ZSWIM6: variants seen among roughly 807,000 people sequenced by gnomAD.
ZSWIM6 encodes the protein zinc finger SWIM-type containing 6, also known as zinc finger SWIM domain-containing protein 6.
Under a neutral mutation model 113.2 loss-of-function variants are expected in ZSWIM6, and 9 were observed. That is an observed-to-expected ratio of 0.08 (90% CI 0.05 to 0.14). The LOEUF (loss-of-function observed/expected upper bound fraction) is 0.14. ZSWIM6 is among the 10% of genes least tolerant of loss of function. The probability of loss-of-function intolerance (pLI) is 1.00; values close to 1 mark genes in which losing one functional copy is unlikely to be tolerated. For missense variants in ZSWIM6, 1,162 were observed against 1,552.2 expected, an observed-to-expected ratio of 0.75 and a Z score of 4.22; for synonymous variants, 611 against 606.5, an observed-to-expected ratio of 1.01 and a Z score of -0.11.
rs1328511939 is a variant in ZSWIM6 at position 61,545,519 on chromosome 5, CT to C, written c.*1205del. On this transcript the variant is annotated 3_prime_UTR_variant, in exon 14 of 14. Coordinates refer to ENST00000252744, the MANE Select transcript of ZSWIM6 (RefSeq NM_020928.2). ...CAATTGACATAATGATACATTACGC[CT>C]TTGCAGTGAGCTAATAATAAGCTAA... The C allele has an allele frequency of 2.0e-5, 3 of 152,162 alleles. No homozygotes were observed. Among genetic ancestry groups the C allele is most frequent in the South Asian group, 2.1e-4 (1 of 4,822 alleles). 9.4% of individuals were successfully genotyped at this position (152,162 alleles called of 1,614,324 possible).
At chr5:61,453,362 CG>C (rs1747124789) in intron 1 of ZSWIM6, among the ~76,000 whole-genome samples, 1 of 148,626 alleles carries the variant, frequency 6.7e-6, no homozygotes, top group Non-Finnish European at 1.5e-5. Context: ...GAACACTTTA[CG>C]TCCACTCTCT....
Position 61,332,582 on chromosome 5 carries a change from C to T in ZSWIM6, c.310C>T (p.Pro104Ser). ...VEERFERIPE[P>S]VQRRIVYWSF... ...GGAGCGCTTTGAGCGCATCCCGGAGCCGGTGCAGCGCCGCATAGTCTATTG... is the reference window on the plus strand; with the variant it reads ...GGAGCGCTTTGAGCGCATCCCGGAGTCGGTGCAGCGCCGCATAGTCTATTG... Residue 104 changes from proline to serine, a missense_variant, in exon 1 of 14, where the codon CCG becomes TCG. Pro to Ser is a moderately conservative substitution (Grantham distance 74). Around this residue, in one of 4 missense-constraint regions of ZSWIM6, gnomAD observed 333 missense variants for 293.4 expected, o/e 1.13. Coordinates refer to ENST00000252744, the MANE Select transcript of ZSWIM6 (RefSeq NM_020928.2). The T allele has an allele frequency of 7.4e-7, 1 of 1,358,972 alleles. No homozygotes were observed. The highest frequency in any genetic ancestry group is 1.3e-5 in the South Asian group (1 of 78,090). 84.2% of individuals were successfully genotyped at this position (1,358,972 alleles called of 1,614,324 possible).
chr5:61,355,591 T>C (rs1744889566), intron 1 of ZSWIM6, among the ~76,000 whole-genome samples: 1 of 152,076 alleles, frequency 6.6e-6, no homozygotes, highest in Non-Finnish European at 1.5e-5. Context: ...AAAAATATAA[T>C]TTACAAGTAA....
In ZSWIM6 at chr5:61,411,957, A is replaced by G. The variant is rs567115266; in HGVS notation, c.677-60724A>G. Among the ~76,000 whole-genome samples, 3 of 152,352 alleles carry G rather than the reference A, an allele frequency of 2.0e-5. No individual in the cohort carries two copies. In the East Asian group the frequency reaches 5.8e-4, roughly 29 times the overall value. ...TCATATATTGAGATTTTAGGAAATT[A>G]ATCAAAGACATTATAGCTGCTAATA... is the stretch of plus-strand genomic sequence containing the variant. On this transcript the variant is annotated intron_variant, in intron 1 of 13. Coordinates refer to ENST00000252744, the MANE Select transcript of ZSWIM6 (RefSeq NM_020928.2).
chr5:61,391,221 G>A (rs528761032), intron 1 of ZSWIM6: 57 of 894,310 alleles, frequency 6.4e-5, no homozygotes, highest in Non-Finnish European at 1.0e-4. Context: ...TGATGACGTC[G>A]ATCATCTTGT....
intron 1 of ZSWIM6, among the ~76,000 whole-genome samples, chr5:61,378,178 T>A (rs991867211): frequency 2.0e-5 from 3 of 152,146 alleles, no homozygotes; most frequent in Admixed American, 6.5e-5. Context: ...CAAACTGAAA[T>A]GAAGAATGGC....
At chr5:61,385,100 TGA>T (rs1745567315) in intron 1 of ZSWIM6, among the ~76,000 whole-genome samples, 1 of 152,190 alleles carries the variant, frequency 6.6e-6, no homozygotes, top group Non-Finnish European at 1.5e-5. Context: ...TCCTGGGGTT[TGA>T]CTAAGTGGTC....
At chr5:61,350,672 G>C (rs988977820) in intron 1 of ZSWIM6, among the ~76,000 whole-genome samples, 25 of 152,160 alleles carry the variant, frequency 1.6e-4, no homozygotes, top group Non-Finnish European at 2.2e-4. Flanking sequence ...TTGCACTTAA[G>C]TAACGTATCA....
intron 1 of ZSWIM6, among the ~76,000 whole-genome samples, chr5:61,423,366 C>T (rs909760750): frequency 6.6e-6 from 1 of 150,678 alleles, no homozygotes; most frequent in South Asian, 2.1e-4. Flanking sequence ...TGAGATCGTG[C>T]TATTGCATTC....
chr5:61,333,755 C>T (rs1420219335), intron 1 of ZSWIM6, among the ~76,000 whole-genome samples: 1 of 152,044 alleles, frequency 6.6e-6, no homozygotes, highest in Non-Finnish European at 1.5e-5. Flanking sequence ...CTTCCCTTTT[C>T]TCTGAAGCTG....
At chr5:61,417,845 A>G (rs1293746639) in intron 1 of ZSWIM6, among the ~76,000 whole-genome samples, 3 of 152,232 alleles carry the variant, frequency 2.0e-5, no homozygotes, top group Non-Finnish European at 4.4e-5. Context: ...GTTTTGCTTC[A>G]TAAGCAAACT....
rs112741647 is a variant in ZSWIM6 at position 61,335,828 on chromosome 5, C to A, written c.676+2880C>A. Reference sequence around the variant, plus strand: ...ATTGGTAGTTACTGTTTCTCAACTTCTATATTTTAAAAAGAAATTTAAGGG... The same window carrying A: ...ATTGGTAGTTACTGTTTCTCAACTTATATATTTTAAAAAGAAATTTAAGGG... On this transcript the variant is annotated intron_variant, in intron 1 of 13. Coordinates refer to ENST00000252744, the MANE Select transcript of ZSWIM6 (RefSeq NM_020928.2). Among the ~76,000 whole-genome samples, 8 of 151,840 alleles carry A rather than the reference C, an allele frequency of 5.3e-5. 2 individuals carry two copies. The highest frequency in any genetic ancestry group is 1.9e-4 in the African/African-American group (8 of 41,356).
chr5:61,355,478 ACACACACACACACACACACT>A (rs1181192180), intron 1 of ZSWIM6, among the ~76,000 whole-genome samples: 5 of 133,160 alleles, frequency 3.8e-5, no homozygotes, highest in Non-Finnish European at 6.6e-5. Flanking sequence ...ACACACACAC[ACACACACACACACACACACT>A]ATTAGATGGC....
At chr5:61,482,708 A>G (rs1747906386) in intron 2 of ZSWIM6, among the ~76,000 whole-genome samples, 1 of 152,178 alleles carries the variant, frequency 6.6e-6, no homozygotes, top group African/African-American at 2.4e-5. Context: ...AGATTTCTGT[A>G]TCACATGAGC....
chr5:61,408,481 G>C (rs1385641489), intron 1 of ZSWIM6, among the ~76,000 whole-genome samples: 4 of 152,166 alleles, frequency 2.6e-5, no homozygotes, highest in African/African-American at 9.7e-5. Flanking sequence ...TGCTTTAAGG[G>C]GGAAACAGCA....
At chr5:61,415,147 T>A (rs918218021) in intron 1 of ZSWIM6, among the ~76,000 whole-genome samples, 3 of 152,240 alleles carry the variant, frequency 2.0e-5, no homozygotes, top group Non-Finnish European at 4.4e-5. Context: ...GTTTTTGCAG[T>A]CTTTTCGGGA....
At chr5:61,431,111 C>T (rs1212545614) in intron 1 of ZSWIM6, among the ~76,000 whole-genome samples, 1 of 152,042 alleles carries the variant, frequency 6.6e-6, no homozygotes, top group African/African-American at 2.4e-5. Flanking sequence ...GTGGCTCACG[C>T]CTGTAATCCC....
At chr5:61,504,931 G>A (rs1183559671) in intron 4 of ZSWIM6, among the ~76,000 whole-genome samples, 1 of 152,118 alleles carries the variant, frequency 6.6e-6, no homozygotes, top group Non-Finnish European at 1.5e-5. Flanking sequence ...AAAATAAAAA[G>A]CAACCCTGGA....
intron 5 of ZSWIM6, among the ~76,000 whole-genome samples, chr5:61,521,796 C>CA (rs1403615351): frequency 1.3e-5 from 2 of 152,134 alleles, no homozygotes; most frequent in African/African-American, 4.8e-5. Flanking sequence ...AACAAACTGT[C>CA]AAGAGGCTTG....
Sources: allele counts gnomAD v4.1 joint callset (sites outside exome capture counted in the v4.1 genomes callset), GRCh38; gene constraint gnomAD v4.1.1; regional missense constraint gnomAD v4.1.1; transcripts MANE v1.5; gene names NCBI Gene and HGNC (gene_info 2026-07-23, HGNC 2026-07-21).